Variants in CCSER1 observed in about 807,000 individuals in gnomAD.
CCSER1 encodes the protein serine-rich coiled-coil domain-containing protein 1.
In CCSER1, 41 loss-of-function variants were observed where a neutral mutation model predicts 82.0. That is an observed-to-expected ratio of 0.50 (90% CI 0.39 to 0.65). The LOEUF (loss-of-function observed/expected upper bound fraction) is 0.65, where lower values mean the gene tolerates loss of function less well. Ranked by LOEUF, CCSER1 falls within the 30% of genes least tolerant of loss-of-function variation. CCSER1 has a pLI of 0.00. For synonymous variants in CCSER1, 414 were observed against 383.9 expected (o/e 1.08, Z -0.92); for missense variants, 1,119 against 1,064.2 (o/e 1.05, Z -0.72).
chr4:91,082,730 C>G (rs930886006), intron 9 of CCSER1, among the ~76,000 whole-genome samples: 2 of 151,862 alleles, frequency 1.3e-5, no homozygotes, highest in Non-Finnish European at 2.9e-5. Flanking sequence ...ATCAAACAAC[C>G]CCATCAAAAA....
chr4:90,582,801 C>T (rs1390110864), intron 5 of CCSER1, among the ~76,000 whole-genome samples: 2 of 152,022 alleles, frequency 1.3e-5, no homozygotes, highest in South Asian at 2.1e-4. Context: ...TTTAAAACAT[C>T]GAGAGTGAAG....
intron 3 of CCSER1, among the ~76,000 whole-genome samples, chr4:90,327,314 A>G (rs997525564): frequency 6.6e-6 from 1 of 151,956 alleles, no homozygotes; most frequent in African/African-American, 2.4e-5. Flanking sequence ...TTGTTTTCTC[A>G]TTTCTTCTAA....
intron 10 of CCSER1, among the ~76,000 whole-genome samples, chr4:91,517,120 G>A (rs1760168969): frequency 6.6e-6 from 1 of 152,108 alleles, no homozygotes; most frequent in African/African-American, 2.4e-5. Flanking sequence ...GGAGTTTCAA[G>A]TTATAGAATC....
chr4:91,364,949 T>C lies in CCSER1; in HGVS notation c.2218-233623T>C, dbSNP rs1749508074. On this transcript the variant is annotated intron_variant, in intron 10 of 10. Transcript: ENST00000509176. Reference sequence around the variant, plus strand: ...AGATAGAGAAGGCCATTAGTATATCTCTCAATGTCACAAAATTAACCTAGC... The same window carrying C: ...AGATAGAGAAGGCCATTAGTATATCCCTCAATGTCACAAAATTAACCTAGC... 2.6e-5 allele frequency among the ~76,000 whole-genome samples: 4 copies of C among 152,222 alleles called. No individual in the cohort carries two copies. In the South Asian group the frequency reaches 8.3e-4, roughly 32 times the overall value.
At chr4:90,259,596 G>A (rs1723947596) in intron 1 of CCSER1, among the ~76,000 whole-genome samples, 1 of 152,078 alleles carries the variant, frequency 6.6e-6, no homozygotes, top group Admixed American at 6.6e-5. Flanking sequence ...CTGTGGGTTT[G>A]TCATATATGG....
chr4:90,421,506 A>G (rs1294324438), intron 4 of CCSER1, among the ~76,000 whole-genome samples: 1 of 152,160 alleles, frequency 6.6e-6, no homozygotes, highest in African/African-American at 2.4e-5. Context: ...TTACTGAGGT[A>G]AGGGAAAAAC....
intron 10 of CCSER1, among the ~76,000 whole-genome samples, chr4:91,211,240 A>G (rs1461435116): frequency 6.6e-6 from 1 of 152,012 alleles, no homozygotes; most frequent in Non-Finnish European, 1.5e-5. Flanking sequence ...GGTGGCTTGA[A>G]CTAGGGATAT....
intron 1 of CCSER1, among the ~76,000 whole-genome samples, chr4:90,201,330 G>A (rs1167311890): frequency 6.6e-6 from 1 of 152,008 alleles, no homozygotes; most frequent in Non-Finnish European, 1.5e-5. Context: ...TAAAGAACAT[G>A]CTGTAGTGAT....
intron 10 of CCSER1, among the ~76,000 whole-genome samples, chr4:91,335,956 T>G (rs1342536995): frequency 1.3e-5 from 2 of 152,168 alleles, no homozygotes; most frequent in African/African-American, 4.8e-5. Context: ...CATAATTTAC[T>G]CTTCATTTGC....
chr4:91,510,600 A>G lies in CCSER1; in HGVS notation c.2218-87972A>G, dbSNP rs1397688496. Among the ~76,000 whole-genome samples, 3 of 152,078 alleles carry G rather than the reference A, an allele frequency of 2.0e-5. No homozygotes were observed. In the East Asian group the frequency reaches 5.8e-4, roughly 29 times the overall value. The stretch of plus-strand genomic sequence containing the variant: ...TGACGAGTGATGTTGAGAATTTTCC[A>G]CGTTTGTTGGCCATTTGTATGTCTA... On this transcript the variant is annotated intron_variant, in intron 10 of 10. Transcript: ENST00000509176.
chr4:91,061,764 AT>A (rs936968732), intron 9 of CCSER1, among the ~76,000 whole-genome samples: 76 of 150,172 alleles, frequency 5.1e-4, no homozygotes, highest in Non-Finnish European at 9.8e-4. Context: ...CAGTTAATTT[AT>A]TTTTTTTTCA....
At chr4:90,335,810 A>T (rs1197375001) in intron 3 of CCSER1, among the ~76,000 whole-genome samples, 1 of 152,186 alleles carries the variant, frequency 6.6e-6, no homozygotes, top group Admixed American at 6.5e-5. Flanking sequence ...GCAACACACA[A>T]TTCTGCAGTG....
chr4:90,898,012 C>G (rs1176383919), intron 8 of CCSER1, among the ~76,000 whole-genome samples: 3 of 151,734 alleles, frequency 2.0e-5, no homozygotes, highest in Non-Finnish European at 1.5e-5. Context: ...GAATCTTAGT[C>G]CTTTATCAGA....
At chr4:90,231,614 C>G (rs1024733769) in intron 1 of CCSER1, among the ~76,000 whole-genome samples, 2 of 147,040 alleles carry the variant, frequency 1.4e-5, no homozygotes, top group African/African-American at 5.1e-5. Flanking sequence ...GTTGGAAGTT[C>G]TGGCCAGGGC....
intron 10 of CCSER1, among the ~76,000 whole-genome samples, chr4:91,560,758 A>G (rs552727135): frequency 1.3e-5 from 2 of 151,448 alleles, no homozygotes; most frequent in African/African-American, 2.4e-5. Flanking sequence ...GAATTTGACC[A>G]GAGTTTTAAG....
At chr4:90,166,292 A>C (rs1178768865) in intron 1 of CCSER1, among the ~76,000 whole-genome samples, 1 of 151,988 alleles carries the variant, frequency 6.6e-6, no homozygotes, top group Non-Finnish European at 1.5e-5. Context: ...TATCAAATGC[A>C]TTTCCAACTT....
At chr4:91,497,267 G>A (rs748443948) in intron 10 of CCSER1, among the ~76,000 whole-genome samples, 19 of 151,554 alleles carry the variant, frequency 1.3e-4, no homozygotes, top group Admixed American at 3.3e-4. Context: ...TAAAAAAAGC[G>A]TTTAGAACAG....
At chr4:91,104,720 A>G (rs1327956661) in intron 10 of CCSER1, among the ~76,000 whole-genome samples, 1 of 152,196 alleles carries the variant, frequency 6.6e-6, no homozygotes, top group Non-Finnish European at 1.5e-5. Flanking sequence ...TGCCAGCTCA[A>G]AATCAGCAGG....
At chr4:90,804,430 ACGTCTAG>A (rs1335227794) in intron 7 of CCSER1, among the ~76,000 whole-genome samples, 1 of 152,128 alleles carries the variant, frequency 6.6e-6, no homozygotes, top group Non-Finnish European at 1.5e-5. Context: ...TTTTCTGCAT[ACGTCTAG>A]CCAGTTTTCC....
Sources: allele counts gnomAD v4.1 joint callset (sites outside exome capture counted in the v4.1 genomes callset), GRCh38; gene constraint gnomAD v4.1.1; transcripts MANE v1.5; gene names NCBI Gene and HGNC (gene_info 2026-07-23, HGNC 2026-07-21).